The following COP1 variants were observed in gnomAD, a reference collection of about 807,000 sequenced individuals.
The protein encoded by COP1 is E3 ubiquitin-protein ligase COP1.
A neutral mutation model predicts 101.3 loss-of-function variants in COP1; 24 were observed. The ratio of observed to expected loss-of-function variants is 0.24; its 90% confidence interval spans 0.17 to 0.33. The LOEUF (loss-of-function observed/expected upper bound fraction) is 0.33. Ranked by LOEUF, COP1 falls within the 10% of genes least tolerant of loss-of-function variation. The probability of loss-of-function intolerance (pLI) is 1.00; values close to 1 mark genes in which losing one functional copy is unlikely to be tolerated. For missense variants in COP1, 663 were observed against 906.2 expected (o/e 0.73, Z 3.45); for synonymous variants, 347 against 341.9 (o/e 1.01, Z -0.17).
intron 8 of COP1, chr1:176,133,746 AT>A: frequency 2.6e-6 from 1 of 378,400 alleles, no homozygotes; most frequent in Non-Finnish European, 5.2e-6. Context: ...TACAAAAAAA[AT>A]TTGCTACTGT....
chr1:176,046,573 C>T (rs1010409781), intron 11 of COP1, among the ~76,000 whole-genome samples: 2 of 151,922 alleles, frequency 1.3e-5, no homozygotes, highest in African/African-American at 2.4e-5. Context: ...TCCAAGACAC[C>T]TGACATGCTT....
intron 18 of COP1, among the ~76,000 whole-genome samples, chr1:175,952,642 C>T (rs555286359): frequency 1.3e-5 from 2 of 152,162 alleles, no homozygotes; most frequent in East Asian, 3.9e-4. Context: ...GGCATGGTAG[C>T]TCACACCTGC....
chr1:176,086,927 C>T (rs1034200467), intron 9 of COP1, among the ~76,000 whole-genome samples: 1 of 152,162 alleles, frequency 6.6e-6, no homozygotes, highest in African/African-American at 2.4e-5. Flanking sequence ...ACCAATCGAA[C>T]AGAACAGATG....
chr1:176,103,286 C>T (rs959193677), intron 9 of COP1, among the ~76,000 whole-genome samples: 1 of 152,214 alleles, frequency 6.6e-6, no homozygotes, highest in African/African-American at 2.4e-5. Context: ...TAGGATAAGG[C>T]TGGTCAAAAG....
In COP1 at chr1:175,998,871, A is replaced by G. The variant is rs149928694; in HGVS notation, c.1730-9392T>C. Among the ~76,000 whole-genome samples the G allele has an allele frequency of 3.0e-3, 455 of 152,270 alleles. 2 individuals are homozygous for G. Among genetic ancestry groups the G allele is most frequent in the African/African-American group, 0.01 (428 of 41,570 alleles). On this transcript the variant is annotated intron_variant, in intron 15 of 19. Transcript: ENST00000367669. The stretch of plus-strand genomic sequence containing the variant: ...TGTTCATTTCAGTGCCTGTTAAGCA[A>G]TAATGGAATGGAACTTCATTGAGTG...
chr1:176,195,183 A>C (rs1289932153), intron 1 of COP1, among the ~76,000 whole-genome samples: 2 of 151,344 alleles, frequency 1.3e-5, no homozygotes, highest in Non-Finnish European at 3.0e-5. Flanking sequence ...GGAGGGAGGG[A>C]AGGGAGGAAG....
chr1:175,994,643 AAAG>A (rs1169754400), intron 15 of COP1, among the ~76,000 whole-genome samples: 1 of 152,248 alleles, frequency 6.6e-6, no homozygotes, highest in African/African-American at 2.4e-5. Flanking sequence ...CAAAACAGAC[AAAG>A]AAGGCCATTA....
At chr1:176,003,274 C>T (rs369711976) in intron 15 of COP1, among the ~76,000 whole-genome samples, 5,359 of 152,062 alleles carry the variant, frequency 0.035, 111 homozygotes, top group East Asian at 0.073. Context: ...GAGTAGGTTG[C>T]AAAAATTTTC....
chr1:176,018,496 C>T (rs546650831), intron 15 of COP1: 14 of 152,018 alleles, frequency 9.2e-5, no homozygotes, highest in Non-Finnish European at 1.8e-4. Flanking sequence ...CAGCTTAAAG[C>T]ACAAGTAGGA....
chr1:176,106,691 T>C lies in COP1; in HGVS notation c.1026+9933A>G, dbSNP rs12085084. Among the ~76,000 whole-genome samples, 856 of 152,322 alleles carry C rather than the reference T, an allele frequency of 5.6e-3. 10 individuals are homozygous for C. The highest frequency in any genetic ancestry group is 0.019 in the African/African-American group (805 of 41,570). Reference sequence around the variant, plus strand: ...TAACCAATCAGGCACTCCTGGCTCATTGGCTTCCCCCAACCCACCAAGTTG... The same window carrying C: ...TAACCAATCAGGCACTCCTGGCTCACTGGCTTCCCCCAACCCACCAAGTTG... On this transcript the variant is annotated intron_variant, in intron 9 of 19. Coordinates refer to ENST00000367669, the MANE Select transcript of COP1 (RefSeq NM_022457.7).
At chr1:175,954,194 C>A (rs1011595428) in intron 18 of COP1, among the ~76,000 whole-genome samples, 9 of 152,002 alleles carry the variant, frequency 5.9e-5, no homozygotes, top group Non-Finnish European at 1.3e-4. Context: ...TCCCAAATAA[C>A]CCAGGGATGG....
chr1:176,031,735 C>T (rs750732207), intron 14 of COP1, among the ~76,000 whole-genome samples: 3 of 152,052 alleles, frequency 2.0e-5, no homozygotes. Context: ...GTGTTCTATA[C>T]AAGTTTTATT....
chr1:176,007,887 T>A (rs185716177), intron 15 of COP1, among the ~76,000 whole-genome samples: 1 of 152,242 alleles, frequency 6.6e-6, no homozygotes, highest in Admixed American at 6.5e-5. Flanking sequence ...TCCAGCTTCC[T>A]GGCTGCTTTG....
chr1:176,013,746 C>T (rs2148969520), intron 15 of COP1, among the ~76,000 whole-genome samples: 1 of 152,226 alleles, frequency 6.6e-6, no homozygotes, highest in African/African-American at 2.4e-5. Flanking sequence ...TACTTATAAC[C>T]TCACTATTAC....
intron 8 of COP1, among the ~76,000 whole-genome samples, chr1:176,118,367 G>A (rs1162792183): frequency 2.0e-5 from 3 of 151,866 alleles, no homozygotes; most frequent in Admixed American, 2.0e-4. Context: ...TTAAGGCATA[G>A]TTAATGGGTA....
At chr1:176,157,295 G>C (rs990062075) in intron 5 of COP1, among the ~76,000 whole-genome samples, 11 of 152,140 alleles carry the variant, frequency 7.2e-5, no homozygotes, top group Non-Finnish European at 1.5e-4. Flanking sequence ...TCAAATGCAA[G>C]TGGAATATTT....
intron 11 of COP1, among the ~76,000 whole-genome samples, chr1:176,054,457 C>T (rs771955942): frequency 2.6e-5 from 4 of 151,958 alleles, no homozygotes; most frequent in Non-Finnish European, 4.4e-5. Context: ...CCACTGCACC[C>T]GGCCAAATTA....
intron 11 of COP1, among the ~76,000 whole-genome samples, chr1:176,050,251 C>CA (rs1672308145): frequency 6.6e-6 from 1 of 152,130 alleles, no homozygotes; most frequent in Non-Finnish European, 1.5e-5. Flanking sequence ...TATTCTTTGT[C>CA]AAAAATGTCA....
At chr1:176,002,307 T>G (rs946479788) in intron 15 of COP1, among the ~76,000 whole-genome samples, 1 of 152,046 alleles carries the variant, frequency 6.6e-6, no homozygotes, top group African/African-American at 2.4e-5. Context: ...TAATCACAAC[T>G]GACCTATCTC....
Sources: allele counts gnomAD v4.1 joint callset (sites outside exome capture counted in the v4.1 genomes callset), GRCh38; gene constraint gnomAD v4.1.1; transcripts MANE v1.5; gene names NCBI Gene and HGNC (gene_info 2026-07-23, HGNC 2026-07-21).